The following HCN2 variants were observed in gnomAD, a reference collection of about 807,000 sequenced individuals.
The protein encoded by HCN2 is hyperpolarization activated cyclic nucleotide gated potassium and sodium channel 2.
In HCN2, 20 loss-of-function variants were observed where a neutral mutation model predicts 52.3. That is an observed-to-expected ratio of 0.38 (90% CI 0.27 to 0.56). The LOEUF is 0.56. HCN2 is among the 20% of genes least tolerant of loss of function. The pLI, the probability that HCN2 is intolerant of heterozygous loss-of-function variation, is 0.71. For synonymous variants in HCN2, 694 were observed against 537.0 expected (o/e 1.29, Z -4.04); for missense variants, 981 against 1,207.7 (o/e 0.81, Z 2.78).
chr19:615,550 G>A (rs1056744535), intron 7 of HCN2, among the ~76,000 whole-genome samples: 5 of 152,204 alleles, frequency 3.3e-5, no homozygotes, highest in African/African-American at 9.7e-5. Flanking sequence ...CTTTCTGTAT[G>A]CAGGTGCTTC....
intron 1 of HCN2, among the ~76,000 whole-genome samples, chr19:599,127 A>G (rs1022913892): frequency 6.6e-6 from 1 of 152,222 alleles, no homozygotes; most frequent in African/African-American, 2.4e-5. Context: ...GGTCCCTTCC[A>G]GCGTTTGGCT....
intron 4 of HCN2, among the ~76,000 whole-genome samples, chr19:608,802 G>A (rs1038461733): frequency 5.3e-5 from 8 of 152,174 alleles, no homozygotes; most frequent in African/African-American, 1.2e-4. Flanking sequence ...TTCAGGACAC[G>A]CCGGTGGCCG....
Position 615,951 on chromosome 19 carries a change from C to T in HCN2, c.2147C>T (p.Pro716Leu), listed in dbSNP as rs554597582. 4.6e-5 allele frequency: 73 copies of T among 1,573,030 alleles called. 1 individual carries two copies. In the South Asian group the frequency reaches 6.4e-4, roughly 14 times the overall value. Residue 716 changes from proline to leucine, a missense_variant, in exon 8 of 8, where the codon CCG (proline) becomes CTG (leucine). Around this residue, in one of 6 missense-constraint regions of HCN2, gnomAD observed 368 missense variants for 314.8 expected, o/e 1.17. Coordinates refer to ENST00000251287, the MANE Select transcript of HCN2 (RefSeq NM_001194.4). The part of the protein sequence containing the change: ...ELGQRVGLFP[P>L]PPPPPQVTSA... ...GGTCAGCGCGTGGGCCTCTTCCCGC[C>T]GCCGCCGCCGCCGCCGCAGGTCACC...
chr19:611,522 CTCTGGGGGGGCG>C (rs1218384175), intron 5 of HCN2, among the ~76,000 whole-genome samples: 3 of 152,214 alleles, frequency 2.0e-5, no homozygotes, highest in Non-Finnish European at 4.4e-5. Flanking sequence ...CCGGGAATGC[CTCTGGGGGGGCG>C]TGTACACCCG....
intron 3 of HCN2, among the ~76,000 whole-genome samples, chr19:606,451 C>T (rs1414944166): frequency 6.6e-6 from 1 of 152,170 alleles, no homozygotes; most frequent in South Asian, 2.1e-4. Context: ...GCCATGATTG[C>T]ACCACTGCAC....
At position 613,643 on chromosome 19, in the gene HCN2, A is replaced by C. The variant is rs1184406779; in HGVS notation, c.1825+155A>C. ...GATGGGGATGGGGATGGGGCCGGGG[A>C]TGGGGATGGGGATGGGGCCGGGGAT... is the stretch of plus-strand genomic sequence containing the variant. On this transcript the variant is annotated intron_variant, in intron 6 of 7. Coordinates refer to ENST00000251287, the MANE Select transcript of HCN2 (RefSeq NM_001194.4). Among the ~76,000 whole-genome samples, 72 of 10,154 alleles carry C rather than the reference A, an allele frequency of 7.1e-3. 2 individuals carry two copies. Among genetic ancestry groups the C allele is most frequent in the South Asian group, 0.011 (3 of 264 alleles). The allele number at this position is 10,154 out of a possible 152,430, so 6.7% of individuals were successfully genotyped here. A position where few individuals can be genotyped will look rare whatever the true frequency, so the allele number is the denominator to read the frequency against.
intron 1 of HCN2, among the ~76,000 whole-genome samples, chr19:598,226 G>A (rs1320937049): frequency 1.3e-5 from 2 of 152,182 alleles, no homozygotes; most frequent in South Asian, 2.1e-4. Flanking sequence ...GGAAAGGAAG[G>A]CCTTAAATTT....
At chr19:608,318 G>A in intron 4 of HCN2, 136 bp downstream of exon 4, 1 of 795,616 alleles carries the variant, frequency 1.3e-6, no homozygotes, top group South Asian at 1.6e-5. Flanking sequence ...GAGGCTGGAG[G>A]GAGGCCTTGC....
chr19:607,646 T>C (rs779212573), intron 3 of HCN2, among the ~76,000 whole-genome samples: 2 of 152,188 alleles, frequency 1.3e-5, no homozygotes, highest in Non-Finnish European at 2.9e-5. Context: ...CCTGGAACTT[T>C]TGCCCCCTCT....
At chr19:594,947 T>C (rs1982979862) in intron 1 of HCN2, among the ~76,000 whole-genome samples, 1 of 152,170 alleles carries the variant, frequency 6.6e-6, no homozygotes, top group African/African-American at 2.4e-5. Context: ...ATGCCTGTAA[T>C]GCCAGTACTT....
In HCN2 at chr19:591,610, T is replaced by A. The variant is rs889912467; in HGVS notation, c.632+1033T>A. On this transcript the variant is annotated intron_variant, in intron 1 of 7. Transcript: ENST00000251287. The surrounding 1 kb of genome is among the most constrained non-coding windows in gnomAD (Gnocchi z 4.1). ...TGAGGTGGGGTGTGGAGGGTGCAGG[T>A]GGAGGGTGTAGGTGGGGCCCGCCGG... 2.0e-5 allele frequency among the ~76,000 whole-genome samples: 3 copies of A among 151,516 alleles called. No individual in the cohort carries two copies. The highest frequency in any genetic ancestry group is 4.4e-5 in the Non-Finnish European group (3 of 67,818).
At chr19:608,243 T>A in intron 4 of HCN2, 61 bp downstream of exon 4, 1 of 1,486,150 alleles carries the variant, frequency 6.7e-7, no homozygotes. Flanking sequence ...GGATCTGGGG[T>A]CTGAGAGAGA....
intron 1 of HCN2, among the ~76,000 whole-genome samples, chr19:598,336 T>C (rs947358446): frequency 6.6e-6 from 1 of 151,106 alleles, no homozygotes; most frequent in Non-Finnish European, 1.5e-5. Flanking sequence ...AGACAGAGTC[T>C]CACTCTGTCA....
In HCN2 at chr19:616,291, C is replaced by T. The variant is rs1385554594; in HGVS notation, c.2487C>T (p.His829=). Residue 829 remains histidine (H), a synonymous_variant, in exon 8 of 8, where the codon CAC becomes CAT. Coordinates refer to ENST00000251287, the MANE Select transcript of HCN2 (RefSeq NM_001194.4). ...PLSASQPSLP[H]GAPGPAASTR... ...CCGCCTCGCAGCCCTCGCTGCCTCA[C>T]GGCGCCCCCGGCCCCGCGGCCTCCA... 7 of 1,078,636 alleles carry T rather than the reference C, an allele frequency of 6.5e-6. No homozygotes were observed. Among genetic ancestry groups the T allele is most frequent in the East Asian group, 1.6e-4 (2 of 12,378 alleles). 66.8% of individuals were successfully genotyped at this position (1,078,636 alleles called of 1,614,324 possible).
intron 4 of HCN2, among the ~76,000 whole-genome samples, chr19:608,510 G>A (rs1983499979): frequency 6.6e-6 from 1 of 151,680 alleles, no homozygotes; most frequent in Non-Finnish European, 1.5e-5. Context: ...GTGATTAGGA[G>A]GAGAAACGGC....
chr19:593,397 A>G (rs982260285), intron 1 of HCN2, among the ~76,000 whole-genome samples: 1 of 152,130 alleles, frequency 6.6e-6, no homozygotes, highest in South Asian at 2.1e-4. Context: ...CGGGCGGATC[A>G]CCTGAGGTCA....
rs1170931760 is a variant in HCN2, at chr19:616,210, C to G, written c.2406C>G (p.Pro802=). Residue 802 remains proline, a synonymous_variant, in exon 8 of 8, where the codon CCC becomes CCG. Transcript: ENST00000251287. The stretch of plus-strand genomic sequence containing the variant: ...CCTACGGCGGCCTGCCCGCCGCCCC[C>G]CTTGCTGGGCCCGCCCTGCCCGCGC... ...TSPYGGLPAA[P]LAGPALPARR... is the part of the protein sequence containing the mutation. The G allele has an allele frequency of 7.1e-6, 7 of 987,232 alleles. No individual in the cohort carries two copies. Among genetic ancestry groups the G allele is most frequent in the Admixed American group, 6.1e-5 (1 of 16,288 alleles). 61.2% of individuals were successfully genotyped at this position (987,232 alleles called of 1,614,324 possible).
intron 3 of HCN2, among the ~76,000 whole-genome samples, 159 bp from the exon 4 acceptor site, chr19:607,805 T>C (rs1983471325): frequency 6.6e-6 from 1 of 152,186 alleles, no homozygotes; most frequent in Non-Finnish European, 1.5e-5. Flanking sequence ...GTGCAAACCA[T>C]GTCATCTACC....
intron 5 of HCN2, among the ~76,000 whole-genome samples, chr19:612,306 A>C (rs1011242378): frequency 3.2e-4 from 48 of 152,130 alleles, no homozygotes; most frequent in African/African-American, 1.0e-3. Flanking sequence ...CTGACTTCCC[A>C]CACCATTGAT....
Sources: gnomAD v4.1 joint callset for allele counts (sites outside exome capture counted in the v4.1 genomes callset) on GRCh38, gnomAD v4.1.1 for gene constraint, gnomAD v4.1.1 regional missense constraint, Gnocchi (gnomAD v3.1) non-coding constraint, MANE v1.5 for transcripts, NCBI Gene and HGNC (gene_info 2026-07-23, HGNC 2026-07-21) for gene names.